The following RIT1 variants were observed in gnomAD, a reference collection of about 807,000 sequenced individuals.
RIT1 encodes the protein GTP-binding protein Rit1.
In RIT1, 6 loss-of-function variants were observed where a neutral mutation model predicts 25.6. The observed-to-expected ratio is 0.23, with a 90% CI of 0.13 to 0.46. RIT1 has a LOEUF of 0.46. Among genes scored for constraint, RIT1 ranks in the 20% least tolerant of loss-of-function variants. RIT1 has a pLI of 0.99. For missense variants in RIT1, 219 were observed against 284.4 expected (o/e 0.77, Z 1.65); for synonymous variants, 81 against 94.1 (o/e 0.86, Z 0.80).
intron 5 of RIT1, among the ~76,000 whole-genome samples, chr1:155,901,933 C>A (rs377202288): frequency 6.6e-6 from 1 of 151,972 alleles, no homozygotes; most frequent in Non-Finnish European, 1.5e-5. Context: ...ATGGCCAACA[C>A]GGTGAAACCC....
rs538624309 is a variant in RIT1 at position 155,898,780 on chromosome 1, T to G, written c.*1608A>C. The G allele has an allele frequency of 8.3e-5, 16 of 191,870 alleles. 1 individual carries two copies. In the East Asian group the frequency reaches 9.0e-4, roughly 11 times the overall value. 11.9% of individuals were successfully genotyped at this position (191,870 alleles called of 1,614,324 possible). Reference sequence around the variant, plus strand: ...GATGGCTGAGTACCATAAAACATGATTTATTTGGTAACAAAAATGTTTCCA... The same window carrying G: ...GATGGCTGAGTACCATAAAACATGAGTTATTTGGTAACAAAAATGTTTCCA... On this transcript the variant is annotated 3_prime_UTR_variant, in exon 6 of 6. Transcript: ENST00000368323.
intron 3 of RIT1, among the ~76,000 whole-genome samples, chr1:155,908,954 T>A (rs1334194890): frequency 6.6e-6 from 1 of 152,118 alleles, no homozygotes; most frequent in Non-Finnish European, 1.5e-5. Context: ...ATGTGCTCTA[T>A]GAAATGACCA....
Position 155,900,279 on chromosome 1 carries a change from C to G in RIT1, c.*109G>C. ...CATTAAAAACTCCTAGTAGGCATGT[C>G]CCTCTTATCAGTTAAGTGAAAGAGC... On this transcript the variant is annotated 3_prime_UTR_variant, in exon 6 of 6. Transcript: ENST00000368323. 1.3e-6 allele frequency: 1 copy of G among 744,382 alleles called. No homozygotes were observed. The highest frequency in any genetic ancestry group is 2.3e-6 in the Non-Finnish European group (1 of 437,020). 46.1% of individuals were successfully genotyped at this position (744,382 alleles called of 1,614,324 possible).
At chr1:155,911,162 T>G in intron 1 of RIT1, 81 bp downstream of exon 1, 9 of 493,524 alleles carry the variant, frequency 1.8e-5, no homozygotes, top group Non-Finnish European at 2.5e-5. Flanking sequence ...TACCCAGAGG[T>G]TCCGCCCCCT....
rs1673225815 is a variant in RIT1, at chr1:155,898,251, T to C, written c.*2137A>G. The C allele has an allele frequency of 6.6e-6, 1 of 152,206 alleles. No individual in the cohort carries two copies. The highest frequency in any genetic ancestry group is 2.1e-4 in the South Asian group (1 of 4,826). The allele number at this position is 152,206 out of a possible 1,614,324, so 9.4% of individuals were successfully genotyped here. On this transcript the variant is annotated 3_prime_UTR_variant, in exon 6 of 6. Transcript: ENST00000368323. ...TGGATGGACTAATACAAGGATCTAA[T>C]ATATGACAGTGATAGTCTTAAAAAC...
chr1:155,910,352 C>CA (rs1339523637), intron 3 of RIT1, 98 bp downstream of exon 3: 2 of 1,066,084 alleles, frequency 1.9e-6, no homozygotes, highest in Non-Finnish European at 2.8e-6. Flanking sequence ...AATTAGACTC[C>CA]AAAAAAGCCT....
intron 3 of RIT1, among the ~76,000 whole-genome samples, chr1:155,905,558 A>G (rs1557960595): frequency 6.6e-6 from 1 of 152,156 alleles, no homozygotes; most frequent in Non-Finnish European, 1.5e-5. Flanking sequence ...TTTACCATTT[A>G]TTAAATTGTT....
intron 3 of RIT1, among the ~76,000 whole-genome samples, chr1:155,909,233 C>A (rs1376780684): frequency 6.6e-6 from 1 of 151,782 alleles, no homozygotes; most frequent in African/African-American, 2.4e-5. Context: ...AAAAAATTAG[C>A]CGGGCTTGGT....
At chr1:155,904,685 G>T in intron 4 of RIT1, 46 bp downstream of exon 4, 1 of 1,421,528 alleles carries the variant, frequency 7.0e-7, no homozygotes, top group Non-Finnish European at 9.9e-7. Flanking sequence ...CCTCCCCTTT[G>T]CTAGAGTAAA....
At chr1:155,904,637 G>T in intron 4 of RIT1, 94 bp downstream of exon 4, 1 of 1,217,056 alleles carries the variant, frequency 8.2e-7, no homozygotes, top group South Asian at 1.4e-5. Context: ...GAAAAATTAA[G>T]AGAGATAAAC....
At chr1:155,909,205 C>A (rs1673526768) in intron 3 of RIT1, among the ~76,000 whole-genome samples, 1 of 151,856 alleles carries the variant, frequency 6.6e-6, no homozygotes, top group African/African-American at 2.4e-5. Context: ...GAAATCCCAT[C>A]TCTACTAAAA....
At chr1:155,910,412 G>A in intron 3 of RIT1, 38 bp downstream of exon 3, 3 of 1,508,600 alleles carry the variant, frequency 2.0e-6, no homozygotes, top group Non-Finnish European at 1.8e-6. Flanking sequence ...ATATTTTTAT[G>A]GGGTATATTT....
At chr1:155,902,568 G>A (rs1459972141) in intron 5 of RIT1, among the ~76,000 whole-genome samples, 2 of 151,392 alleles carry the variant, frequency 1.3e-5, no homozygotes, top group African/African-American at 4.9e-5. Context: ...AACGCTGGGT[G>A]TGGTGGCTCA....
intron 1 of RIT1, 168 bp from the exon 2 acceptor site, chr1:155,910,972 T>C: frequency 3.9e-6 from 5 of 1,280,232 alleles, no homozygotes; most frequent in Middle Eastern, 2.3e-4. Flanking sequence ...AACCCCCCCA[T>C]CTTCACCCTC....
At position 155,904,479 on chromosome 1, in the gene RIT1, G is replaced by A. The variant is rs983862584; in HGVS notation, c.261C>T (p.Asp87=). The A allele has an allele frequency of 6.2e-7, 1 of 1,613,792 alleles. No individual in the cohort carries two copies. The highest frequency in any genetic ancestry group is 8.5e-7 in the Non-Finnish European group (1 of 1,179,792). ...AGQAEFTAMR[D]QYMRAGEGFI... is the part of the protein sequence containing the mutation. ...ACCCTTCTCCTGCCCTCATATACTG[G>A]TCCCGCATGGCTGTAAACTCTGCCT... The change falls in exon 5 of 6, where the codon GAC becomes GAT. Residue 87 remains aspartate, a synonymous_variant. Transcript: ENST00000368323.
chr1:155,909,448 A>G (rs1455347345), intron 3 of RIT1, among the ~76,000 whole-genome samples: 1 of 151,652 alleles, frequency 6.6e-6, no homozygotes, highest in African/African-American at 2.4e-5. Context: ...TCCCACATCC[A>G]TTTTTCTTTC....
rs80308596 is a variant in RIT1 at position 155,899,766 on chromosome 1, T to A, written c.*622A>T. On this transcript the variant is annotated 3_prime_UTR_variant, in exon 6 of 6. Coordinates refer to ENST00000368323, the MANE Select transcript of RIT1 (RefSeq NM_006912.6). Reference sequence around the variant, plus strand: ...GGTGAATTTGGGCCAAATGTGTACTTCTTAGAAAAGCGAAGCTTGTACTGA... The same window carrying A: ...GGTGAATTTGGGCCAAATGTGTACTACTTAGAAAAGCGAAGCTTGTACTGA... 227 of 221,948 alleles carry A rather than the reference T, an allele frequency of 1.0e-3. No individual in the cohort carries two copies. The East Asian group carries it at 0.015, about 14-fold the overall frequency. The allele number at this position is 221,948 out of a possible 1,614,324, so 13.7% of individuals were successfully genotyped here.
chr1:155,902,452 C>T (rs1673331083), intron 5 of RIT1, among the ~76,000 whole-genome samples: 2 of 151,592 alleles, frequency 1.3e-5, no homozygotes, highest in South Asian at 4.2e-4. Flanking sequence ...AGGAGAATTG[C>T]TTGAACCCAG....
In RIT1 at chr1:155,911,297, A is replaced by G. The variant is rs546356253; in HGVS notation, c.-98T>C. On this transcript the variant is annotated 5_prime_UTR_variant, in exon 1 of 6. Coordinates refer to ENST00000368323, the MANE Select transcript of RIT1 (RefSeq NM_006912.6). Reference sequence around the variant, plus strand: ...TGGTCAGTGGGGACTGGAACACCACAGCCGGTCGGGTCACGCACTTCGTCT... The same window carrying G: ...TGGTCAGTGGGGACTGGAACACCACGGCCGGTCGGGTCACGCACTTCGTCT... 9.4e-6 allele frequency: 2 copies of G among 212,838 alleles called. No homozygotes were observed. The highest frequency in any genetic ancestry group is 6.7e-5 in the South Asian group (1 of 14,914). 13.2% of individuals were successfully genotyped at this position (212,838 alleles called of 1,614,324 possible). A position where few individuals can be genotyped will look rare whatever the true frequency, so the allele number is the denominator to read the frequency against.
Sources: gnomAD v4.1 joint callset for allele counts (sites outside exome capture counted in the v4.1 genomes callset) on GRCh38, gnomAD v4.1.1 for gene constraint, MANE v1.5 for transcripts, NCBI Gene and HGNC (gene_info 2026-07-23, HGNC 2026-07-21) for gene names.